The following MKRN2 variants were observed in gnomAD, a reference collection of about 807,000 sequenced individuals.
MKRN2 encodes the protein makorin ring finger protein 2.
A neutral mutation model predicts 45.4 loss-of-function variants in MKRN2; 32 were observed. That is an observed-to-expected ratio of 0.70 (90% CI 0.53 to 0.95). The LOEUF (loss-of-function observed/expected upper bound fraction) is 0.95, where lower values mean the gene tolerates loss of function less well. Ranked by LOEUF, MKRN2 falls within the 40% of genes least tolerant of loss-of-function variation. The pLI, the probability that MKRN2 is intolerant of heterozygous loss-of-function variation, is 0.00. For synonymous variants in MKRN2, 206 were observed against 192.4 expected (o/e 1.07, Z -0.59); for missense variants, 526 against 536.7 (o/e 0.98, Z 0.20).
chr3:12,574,829 C>G lies in MKRN2; in HGVS notation c.680C>G (p.Ala227Gly). Reference protein sequence around the residue: ...MLTFEHEMEKAFAFQASQDKV... With the variant: ...MLTFEHEMEKGFAFQASQDKV... The stretch of plus-strand genomic sequence containing the variant: ...ACGTTCGAACACGAGATGGAAAAGG[C>G]CTTTGCCTTCCAGGCAAGCCAGGAC... Residue 227 changes from alanine to glycine, a missense_variant, in exon 5 of 8, where the codon GCC (alanine) becomes GGC (glycine). Ala to Gly is a moderately conservative substitution (Grantham distance 60, BLOSUM62 0). Transcript: ENST00000170447. The G allele has an allele frequency of 6.2e-7, 1 of 1,614,096 alleles. No individual in the cohort carries two copies. The highest frequency in any genetic ancestry group is 8.5e-7 in the Non-Finnish European group (1 of 1,180,018).
intron 3 of MKRN2, among the ~76,000 whole-genome samples, chr3:12,571,137 T>C (rs2058096733): frequency 6.6e-6 from 1 of 151,952 alleles, no homozygotes; most frequent in Non-Finnish European, 1.5e-5. Context: ...GTTTTTGTTT[T>C]TTTTTTGGAG....
intron 6 of MKRN2, 118 bp from the exon 7 acceptor site, chr3:12,581,690 A>C: frequency 8.9e-7 from 1 of 1,120,064 alleles, no homozygotes. Context: ...TGCCCCACCT[A>C]GAATGTGAGG....
chr3:12,581,578 C>T (rs2058178373), intron 6 of MKRN2, among the ~76,000 whole-genome samples: 1 of 152,206 alleles, frequency 6.6e-6, no homozygotes, highest in Admixed American at 6.5e-5. Flanking sequence ...ATATCCTTTG[C>T]AAGGCTGCAG....
chr3:12,574,391 A>G lies in MKRN2; in HGVS notation c.643-401A>G, dbSNP rs565393183. On this transcript the variant is annotated intron_variant, in intron 4 of 7. Transcript: ENST00000170447. ...GACTAGGCTGCCAGCCTCAAGCCTC[A>G]TGGTAAGGACGAGTCAGCATCTCTG... Among the ~76,000 whole-genome samples the G allele has an allele frequency of 2.6e-4, 39 of 152,336 alleles. No individual in the cohort carries two copies. The South Asian group carries it at 5.8e-3, about 23-fold the overall frequency.
At chr3:12,569,988 A>G (rs375383606) in intron 2 of MKRN2, 83 bp from the exon 3 acceptor site, 1 of 1,330,178 alleles carries the variant, frequency 7.5e-7, no homozygotes. Flanking sequence ...GTGCAGCAGA[A>G]GGAGGGCCAT....
chr3:12,576,933 G>GTTTTTTGTTTTTTTTTTTTTTTTT (rs2058142346), intron 6 of MKRN2, 192 bp downstream of exon 6: 1 of 55,244 alleles, frequency 1.8e-5, no homozygotes, highest in African/African-American at 1.3e-4. Context: ...TAGTTTTGGT[G>GTTTTTTGTTTTTTTTTTTTTTTTT]TTTTTTTTTT....
intron 6 of MKRN2, among the ~76,000 whole-genome samples, chr3:12,579,364 G>A (rs2058163545): frequency 6.6e-6 from 1 of 151,936 alleles, no homozygotes; most frequent in Non-Finnish European, 1.5e-5. Flanking sequence ...ATGGGGTTTC[G>A]CCATGTTGGC....
At position 12,560,354 on chromosome 3, in the gene MKRN2, A is replaced by C. The variant is rs144951601; in HGVS notation, c.26+3178A>C. On this transcript the variant is annotated intron_variant, in intron 1 of 7. Coordinates refer to ENST00000170447, the MANE Select transcript of MKRN2 (RefSeq NM_014160.5). ...TGTACTTCATTTCATTCCCGCCTCT[A>C]ATCAGTACATTTATTGCAAGCCTGC... Among the ~76,000 whole-genome samples, 255 of 152,072 alleles carry C rather than the reference A, an allele frequency of 1.7e-3. 1 individual carries two copies. The highest frequency in any genetic ancestry group is 6.0e-3 in the African/African-American group (247 of 41,472).
chr3:12,558,890 G>C (rs2058009352), intron 1 of MKRN2, among the ~76,000 whole-genome samples: 1 of 152,198 alleles, frequency 6.6e-6, no homozygotes, highest in Non-Finnish European at 1.5e-5. Flanking sequence ...GTATAATCCA[G>C]CAACCAGCGC....
intron 6 of MKRN2, among the ~76,000 whole-genome samples, chr3:12,577,469 C>CT (rs1417952662): frequency 6.6e-6 from 1 of 152,088 alleles, no homozygotes; most frequent in South Asian, 2.1e-4. Context: ...CTTTTTCAAT[C>CT]TTTTTTTCTT....
chr3:12,579,080 G>C (rs756298747), intron 6 of MKRN2, among the ~76,000 whole-genome samples: 2 of 152,072 alleles, frequency 1.3e-5, no homozygotes. Flanking sequence ...TTTAATGACT[G>C]TGTTTTTTGC....
chr3:12,569,136 C>G, intron 2 of MKRN2, 133 bp downstream of exon 2: 1 of 1,120,424 alleles, frequency 8.9e-7, no homozygotes. Flanking sequence ...TTTAAAACCT[C>G]AGTTTCAGTA....
chr3:12,579,022 G>A (rs933967081), intron 6 of MKRN2, among the ~76,000 whole-genome samples: 1 of 152,066 alleles, frequency 6.6e-6, no homozygotes, highest in African/African-American at 2.4e-5. Flanking sequence ...CTGAAAAGCA[G>A]TCTGGAGATT....
At position 12,582,100 on chromosome 3, in the gene MKRN2, C is replaced by T. The variant is rs2058184833; in HGVS notation, c.1114-16C>T. 2 of 1,614,178 alleles carry T rather than the reference C, an allele frequency of 1.2e-6. No homozygotes were observed. Among genetic ancestry groups the T allele is most frequent in the South Asian group, 1.1e-5 (1 of 91,082 alleles). ...TCTTAGCAGTAACCAGGCATGTCCACTGGCTGTTTTTGCAGTTCTTTAATT... is the reference window on the plus strand; with the variant it reads ...TCTTAGCAGTAACCAGGCATGTCCATTGGCTGTTTTTGCAGTTCTTTAATT... On this transcript the variant is annotated splice_polypyrimidine_tract_variant and intron_variant, in intron 7 of 7. Coordinates refer to ENST00000170447, the MANE Select transcript of MKRN2 (RefSeq NM_014160.5).
intron 1 of MKRN2, 47 bp downstream of exon 1, chr3:12,557,223 AG>A (rs1465946335): frequency 2.1e-5 from 32 of 1,523,462 alleles, no homozygotes; most frequent in Middle Eastern, 1.7e-4. Context: ...CCCAGGCCGC[AG>A]GGGGGCCGGT....
At chr3:12,576,945 T>TTTTG (rs2058143566) in intron 6 of MKRN2, 1 of 267,406 alleles carries the variant, frequency 3.7e-6, no homozygotes, top group African/African-American at 3.0e-5. Flanking sequence ...TTTTTTTTTT[T>TTTTG]TTTTTTTTTT....
chr3:12,570,321 C>G, intron 3 of MKRN2, 69 bp downstream of exon 3: 1 of 1,475,380 alleles, frequency 6.8e-7, no homozygotes, highest in Non-Finnish European at 9.2e-7. Context: ...GTGCTCCTTT[C>G]TAGCCTCCTC....
intron 4 of MKRN2, among the ~76,000 whole-genome samples, chr3:12,573,570 GGT>G (rs2058112905): frequency 6.6e-6 from 1 of 152,040 alleles, no homozygotes; most frequent in Non-Finnish European, 1.5e-5. Context: ...AAAAATGCCA[GGT>G]GTGGTGGCTT....
chr3:12,580,118 GAC>G (rs140489592), intron 6 of MKRN2, among the ~76,000 whole-genome samples: 1,572 of 152,326 alleles, frequency 0.01, 21 homozygotes, highest in African/African-American at 0.036. Context: ...GAGAGCCGAG[GAC>G]ACAGAGTGAG....
Sources: gnomAD v4.1 joint callset for allele counts (sites outside exome capture counted in the v4.1 genomes callset) on GRCh38, gnomAD v4.1.1 for gene constraint, MANE v1.5 for transcripts, NCBI Gene and HGNC (gene_info 2026-07-23, HGNC 2026-07-21) for gene names.